Variants in ZBTB20 observed in about 807,000 individuals in gnomAD.
ZBTB20 encodes zinc finger and BTB domain containing 20, also known as zinc finger and BTB domain-containing protein 20.
Under a neutral mutation model 56.9 loss-of-function variants are expected in ZBTB20, and 9 were observed. That is an observed-to-expected ratio of 0.16 (90% CI 0.10 to 0.28). The LOEUF (loss-of-function observed/expected upper bound fraction) is 0.28, where lower values mean the gene tolerates loss of function less well. ZBTB20 is among the 10% of genes least tolerant of loss of function. The pLI is 1.00. For synonymous variants in ZBTB20, 417 were observed against 420.7 expected (o/e 0.99, Z 0.11); for missense variants, 655 against 1,003.0 (o/e 0.65, Z 4.69).
chr3:114,485,564 A>T (rs115158140), intron 7 of ZBTB20, among the ~76,000 whole-genome samples: 1,677 of 152,264 alleles, frequency 0.011, 28 homozygotes, highest in African/African-American at 0.038. Context: ...TTATGGATTC[A>T]TTTCTTATTA....
intron 1 of ZBTB20, among the ~76,000 whole-genome samples, chr3:115,074,845 A>G (rs2082537483): frequency 6.6e-6 from 1 of 152,106 alleles, no homozygotes; most frequent in Admixed American, 6.6e-5. Context: ...CTGACTGCAA[A>G]GTCCCCAGAA....
intron 6 of ZBTB20, among the ~76,000 whole-genome samples, chr3:114,566,128 C>T (rs2052720998): frequency 6.6e-6 from 1 of 151,622 alleles, no homozygotes; most frequent in Admixed American, 6.6e-5. Flanking sequence ...AAATTTCAGT[C>T]ACTCACATTT....
intron 5 of ZBTB20, among the ~76,000 whole-genome samples, chr3:114,799,468 C>T (rs1440838651): frequency 2.0e-5 from 3 of 151,906 alleles, no homozygotes; most frequent in African/African-American, 7.2e-5. Flanking sequence ...TTATCATCTT[C>T]TTCCTGACTG....
chr3:114,808,907 T>C (rs1319005440), intron 4 of ZBTB20, among the ~76,000 whole-genome samples: 7 of 148,112 alleles, frequency 4.7e-5, no homozygotes, highest in Non-Finnish European at 8.9e-5. Flanking sequence ...TTATTTGGGA[T>C]ATCTTTATTT....
intron 7 of ZBTB20, among the ~76,000 whole-genome samples, chr3:114,411,882 G>C (rs1234320143): frequency 6.6e-6 from 1 of 152,150 alleles, no homozygotes; most frequent in Non-Finnish European, 1.5e-5. Flanking sequence ...TTCTGAGACT[G>C]AATGTCCAGA....
At position 114,316,709 on chromosome 3, in the gene ZBTB20, C is replaced by A; in HGVS notation, c.*22296G>T. ...ATTTTCAATGCAGAAAAACTGTAAT[C>A]CACTGATTCCTTGGAAAACATTTTT... On this transcript the variant is annotated 3_prime_UTR_variant, in exon 12 of 12. Coordinates refer to ENST00000675478, the MANE Select transcript of ZBTB20 (RefSeq NM_001348800.3). 1 of 378,922 alleles carries A rather than the reference C, an allele frequency of 2.6e-6. No homozygotes were observed. Among genetic ancestry groups the A allele is most frequent in the Non-Finnish European group, 5.4e-6 (1 of 186,130 alleles). 23.5% of individuals were successfully genotyped at this position (378,922 alleles called of 1,614,324 possible). A position where few individuals can be genotyped will look rare whatever the true frequency, so the allele number is the denominator to read the frequency against.
chr3:115,024,887 T>C (rs2080354942), intron 2 of ZBTB20, among the ~76,000 whole-genome samples: 1 of 151,246 alleles, frequency 6.6e-6, no homozygotes. Flanking sequence ...TAGTAACTAC[T>C]GTTACTAAAA....
intron 1 of ZBTB20, among the ~76,000 whole-genome samples, chr3:115,071,996 C>T (rs570897860): frequency 1.1e-4 from 17 of 152,186 alleles, no homozygotes; most frequent in Admixed American, 3.3e-4. Flanking sequence ...GGCAGCCAGC[C>T]GGACATTTTG....
Position 114,450,459 on chromosome 3 carries a change from G to A in ZBTB20, c.-255+49893C>T, listed in dbSNP as rs946088722. Among the ~76,000 whole-genome samples the A allele has an allele frequency of 3.9e-5, 6 of 152,108 alleles. No individual in the cohort carries two copies. In the South Asian group the frequency reaches 1.0e-3, roughly 26 times the overall value. ...TAGTTCTCTCTTCCCTTTTGGGTACGCTTAAAGGGGTGGAATAAATTTTTC... is the reference window on the plus strand; with the variant it reads ...TAGTTCTCTCTTCCCTTTTGGGTACACTTAAAGGGGTGGAATAAATTTTTC... On this transcript the variant is annotated intron_variant, in intron 7 of 11. Transcript: ENST00000675478.
chr3:114,674,197 A>G (rs1370635330), intron 6 of ZBTB20, among the ~76,000 whole-genome samples: 1 of 152,194 alleles, frequency 6.6e-6, no homozygotes, highest in African/African-American at 2.4e-5. Context: ...TAAACCACAG[A>G]AAGGAAAATA....
chr3:114,405,616 G>A (rs959590938), intron 7 of ZBTB20, among the ~76,000 whole-genome samples: 2 of 152,106 alleles, frequency 1.3e-5, no homozygotes, highest in African/African-American at 4.8e-5. Context: ...ATATTTGTAT[G>A]ATGTTTGGCA....
At chr3:115,015,005 T>G (rs1179220203) in intron 2 of ZBTB20, among the ~76,000 whole-genome samples, 1 of 151,786 alleles carries the variant, frequency 6.6e-6, no homozygotes, top group Non-Finnish European at 1.5e-5. Flanking sequence ...ACATCACATT[T>G]GTAGTTCTGT....
intron 2 of ZBTB20, among the ~76,000 whole-genome samples, chr3:115,010,249 T>G (rs970572970): frequency 1.3e-5 from 2 of 151,924 alleles, no homozygotes; most frequent in African/African-American, 4.8e-5. Flanking sequence ...ACTTACTGAT[T>G]GTAGAATCTC....
At chr3:114,715,761 C>G (rs1377517775) in intron 5 of ZBTB20, among the ~76,000 whole-genome samples, 1 of 152,174 alleles carries the variant, frequency 6.6e-6, no homozygotes, top group Non-Finnish European at 1.5e-5. Context: ...ACAACATGCA[C>G]AGTATTAAAT....
At chr3:114,775,218 A>T (rs16823217) in intron 5 of ZBTB20, among the ~76,000 whole-genome samples, 5,207 of 151,994 alleles carry the variant, frequency 0.034, 146 homozygotes, top group African/African-American at 0.07. Flanking sequence ...TCACCATCCT[A>T]TGCCAATTTT....
At chr3:115,060,451 G>A (rs756640173) in intron 2 of ZBTB20, among the ~76,000 whole-genome samples, 16 of 151,998 alleles carry the variant, frequency 1.1e-4, no homozygotes, top group Non-Finnish European at 1.9e-4. Context: ...AGGCTTTCCC[G>A]GGATCCATGC....
At chr3:114,648,904 A>C (rs1023753945) in intron 6 of ZBTB20, among the ~76,000 whole-genome samples, 2 of 152,052 alleles carry the variant, frequency 1.3e-5, no homozygotes, top group South Asian at 2.1e-4. Context: ...TCTTTTGACT[A>C]ATCAGCTGAC....
In ZBTB20 at chr3:114,789,855, C is replaced by G. The variant is rs1390258505; in HGVS notation, c.-343+11246G>C. On this transcript the variant is annotated intron_variant, in intron 5 of 11. Transcript: ENST00000675478. ...AAATATTTAAGCAGATTATAGAGTTCTGGAAATGTCATCAAGTCTCTTGAT... is the reference window on the plus strand; with the variant it reads ...AAATATTTAAGCAGATTATAGAGTTGTGGAAATGTCATCAAGTCTCTTGAT... Among the ~76,000 whole-genome samples, 2 of 152,104 alleles carry G rather than the reference C, an allele frequency of 1.3e-5. 1 individual carries two copies. The highest frequency in any genetic ancestry group is 2.9e-5 in the Non-Finnish European group (2 of 68,004).
intron 7 of ZBTB20, among the ~76,000 whole-genome samples, chr3:114,424,380 T>G (rs2089460406): frequency 6.6e-6 from 1 of 152,202 alleles, no homozygotes; most frequent in Admixed American, 6.5e-5. Context: ...TAGATATGCA[T>G]GCAAAGTCTC....
Sources: gnomAD v4.1 joint callset for allele counts (sites outside exome capture counted in the v4.1 genomes callset) on GRCh38, gnomAD v4.1.1 for gene constraint, MANE v1.5 for transcripts, NCBI Gene and HGNC (gene_info 2026-07-23, HGNC 2026-07-21) for gene names.